The following EBF3 variants were observed in gnomAD, a reference collection of about 807,000 sequenced individuals.
The protein encoded by EBF3 is transcription factor COE3.
EBF3 carries 18 observed loss-of-function variants against 77.1 expected under a neutral mutation model. That is an observed-to-expected ratio of 0.23 (90% CI 0.16 to 0.35). EBF3 has a LOEUF of 0.35. Among genes scored for constraint, EBF3 ranks in the 10% least tolerant of loss-of-function variants. The pLI is 1.00. For missense variants in EBF3, 558 were observed against 860.0 expected (o/e 0.65, Z 4.39); for synonymous variants, 350 against 343.5 (o/e 1.02, Z -0.21).
chr10:129,896,909 C>T (rs1176563953), intron 6 of EBF3, among the ~76,000 whole-genome samples: 8 of 152,178 alleles, frequency 5.3e-5, no homozygotes, highest in African/African-American at 1.9e-4. Flanking sequence ...ACGCCGCCAC[C>T]CCAGGCCTCC....
Position 129,839,103 on chromosome 10 carries a change from G to A in EBF3, c.1852C>T (p.Leu618Phe). Reference sequence around the variant, plus strand: ...GATACCTTTCCAGTTCCTTTTTTGAGCATTAGTTCATCAAAGTGAAATATG... The same window carrying A: ...GATACCTTTCCAGTTCCTTTTTTGAACATTAGTTCATCAAAGTGAAATATG... ...GGIFHFDELM[L>F]KKGTGKLCLG... The change falls in exon 16 of 17, where the codon CTC becomes TTC. Residue 618 changes from leucine (L) to phenylalanine (F), a missense_variant. By Grantham distance (22) the Leu-to-Phe change is conservative. This residue lies in a region of EBF3 where 284 missense variants were observed against 368.3 expected (regional missense o/e 0.77). Coordinates refer to ENST00000440978, the MANE Select transcript of EBF3 (RefSeq NM_001375380.1). 1 of 1,304,460 alleles carries A rather than the reference G, an allele frequency of 7.7e-7. No individual in the cohort carries two copies. Among genetic ancestry groups the A allele is most frequent in the Non-Finnish European group, 1.0e-6 (1 of 988,988 alleles). The allele number at this position is 1,304,460 out of a possible 1,614,324, so 80.8% of individuals were successfully genotyped here.
At chr10:129,903,222 G>A (rs747327333) in intron 6 of EBF3, among the ~76,000 whole-genome samples, 32 of 152,166 alleles carry the variant, frequency 2.1e-4, no homozygotes, top group Non-Finnish European at 4.1e-4. Flanking sequence ...CAGTATATAC[G>A]GTTCAGTCTA....
At chr10:129,958,660 C>T (rs1282363716) in intron 5 of EBF3, among the ~76,000 whole-genome samples, 3 of 152,236 alleles carry the variant, frequency 2.0e-5, no homozygotes, top group Non-Finnish European at 2.9e-5. Context: ...ACGGATGCAT[C>T]ACCCAGACCT....
rs1256091384 is a variant in EBF3, at chr10:129,836,724, A to G, written c.*1219T>C. 4 of 152,630 alleles carry G rather than the reference A, an allele frequency of 2.6e-5. No homozygotes were observed. The highest frequency in any genetic ancestry group is 5.9e-5 in the Non-Finnish European group (4 of 68,042). The allele number at this position is 152,630 out of a possible 1,614,324, so 9.5% of individuals were successfully genotyped here. On this transcript the variant is annotated 3_prime_UTR_variant, in exon 17 of 17. Coordinates refer to ENST00000440978, the MANE Select transcript of EBF3 (RefSeq NM_001375380.1). The stretch of plus-strand genomic sequence containing the variant: ...CAAGTTCTTGGCTAATGCTCTTCCC[A>G]GTATCACAACACCAGGCCGTGATCA...
chr10:129,963,219 G>A lies in EBF3; in HGVS notation c.291+148C>T, dbSNP rs1028392215. The A allele has an allele frequency of 8.1e-6, 10 of 1,235,106 alleles. No individual in the cohort carries two copies. The highest frequency in any genetic ancestry group is 1.8e-5 in the South Asian group (1 of 55,700). 76.5% of individuals were successfully genotyped at this position (1,235,106 alleles called of 1,614,324 possible). ...GCAGAGAAGTTGCCCAGCCCTCGGCGGTCCCGGGCGGCCGCACGTGGCGGC... is the reference window on the plus strand; with the variant it reads ...GCAGAGAAGTTGCCCAGCCCTCGGCAGTCCCGGGCGGCCGCACGTGGCGGC... On this transcript the variant is annotated intron_variant, in intron 2 of 16. Coordinates refer to ENST00000440978, the MANE Select transcript of EBF3 (RefSeq NM_001375380.1). This position sits in a 1 kb window ranked among gnomAD's most constrained non-coding sequence, Gnocchi z 7.1.
intron 6 of EBF3, among the ~76,000 whole-genome samples, chr10:129,882,994 G>A (rs941270358): frequency 3.9e-5 from 6 of 152,198 alleles, no homozygotes; most frequent in African/African-American, 9.6e-5. Flanking sequence ...CTTGGCGGTC[G>A]CACCCTGGTG....
chr10:129,931,124 T>A (rs942584672), intron 6 of EBF3, among the ~76,000 whole-genome samples: 4 of 152,174 alleles, frequency 2.6e-5, no homozygotes, highest in African/African-American at 7.2e-5. Context: ...TATACCTATA[T>A]CTGTATCTGT....
chr10:129,877,630 A>G (rs1244275603), intron 7 of EBF3, 138 bp downstream of exon 7: 1 of 662,044 alleles, frequency 1.5e-6, no homozygotes, highest in Non-Finnish European at 2.6e-6. Flanking sequence ...GCATATTTTT[A>G]TCAAATGCAC....
In EBF3 at chr10:129,841,043, C is replaced by CCCCCCG; in HGVS notation, c.1373-12_1373-11insCGGGGG. The CCCCCCG allele has an allele frequency of 7.4e-7, 1 of 1,350,210 alleles. No homozygotes were observed. The highest frequency in any genetic ancestry group is 9.9e-7 in the Non-Finnish European group (1 of 1,013,820). The allele number at this position is 1,350,210 out of a possible 1,614,324, so 83.6% of individuals were successfully genotyped here. A position where few individuals can be genotyped will look rare whatever the true frequency, so the allele number is the denominator to read the frequency against. On this transcript the variant is annotated splice_polypyrimidine_tract_variant and intron_variant, in intron 13 of 16. Coordinates refer to ENST00000440978, the MANE Select transcript of EBF3 (RefSeq NM_001375380.1). The surrounding 1 kb of genome is among the most constrained non-coding windows in gnomAD (Gnocchi z 4.6). ...TGCGACTGTAGCCGACTGTTGAAAT[C>CCCCCCG]CCCCCCCCGGCCAAAAATAACATTA...
intron 6 of EBF3, among the ~76,000 whole-genome samples, chr10:129,902,478 A>G (rs1854861111): frequency 6.6e-6 from 1 of 152,028 alleles, no homozygotes; most frequent in African/African-American, 2.4e-5. Context: ...AGGCACATCC[A>G]TATGGGACCG....
Position 129,904,685 on chromosome 10 carries a change from T to C in EBF3, c.555-26836A>G, listed in dbSNP as rs73383615. Among the ~76,000 whole-genome samples the C allele has an allele frequency of 3.5e-3, 538 of 152,116 alleles. 3 individuals carry two copies. The highest frequency in any genetic ancestry group is 0.012 in the African/African-American group (510 of 41,502). On this transcript the variant is annotated intron_variant, in intron 6 of 16. Coordinates refer to ENST00000440978, the MANE Select transcript of EBF3 (RefSeq NM_001375380.1). ...AGACAGACATCTATGGATAGAACTATATAATACAAATATATAGACACAGAC... is the reference window on the plus strand; with the variant it reads ...AGACAGACATCTATGGATAGAACTACATAATACAAATATATAGACACAGAC...
intron 5 of EBF3, among the ~76,000 whole-genome samples, chr10:129,958,568 A>G (rs1484623317): frequency 6.6e-6 from 1 of 152,190 alleles, no homozygotes; most frequent in Non-Finnish European, 1.5e-5. Flanking sequence ...ATAACAGACA[A>G]TTGTATATCT....
At position 129,837,724 on chromosome 10, in the gene EBF3, G is replaced by T; in HGVS notation, c.*219C>A. 5 of 571,426 alleles carry T rather than the reference G, an allele frequency of 8.8e-6. No homozygotes were observed. The highest frequency in any genetic ancestry group is 9.2e-6 in the Non-Finnish European group (3 of 325,690). The allele number at this position is 571,426 out of a possible 1,614,324, so 35.4% of individuals were successfully genotyped here. A position where few individuals can be genotyped will look rare whatever the true frequency, so the allele number is the denominator to read the frequency against. On this transcript the variant is annotated 3_prime_UTR_variant, in exon 17 of 17. Transcript: ENST00000440978. ...ATGAGAAAAGTTCAGTCAATAAAAT[G>T]GAATTGTTCATGAAGAAGTAGGCTG...
chr10:129,843,293 A>G (rs1850222129), intron 11 of EBF3, 91 bp from the exon 12 acceptor site: 2 of 1,346,594 alleles, frequency 1.5e-6, no homozygotes, highest in South Asian at 1.3e-5. Flanking sequence ...GGGTGTGGAG[A>G]CCAGTCCCCA....
Position 129,963,395 on chromosome 10 carries a change from G to C in EBF3, c.263C>G (p.Ala88Gly). 1.3e-6 allele frequency: 2 copies of C among 1,589,860 alleles called. No individual in the cohort carries two copies. Among genetic ancestry groups the C allele is most frequent in the African/African-American group, 2.8e-5 (2 of 72,646 alleles). Residue 88 changes from alanine to glycine, a missense_variant, in exon 2 of 17, where the codon GCT becomes GGT. This residue lies in a region of EBF3 where 84 missense variants were observed against 142.3 expected (regional missense o/e 0.59). Transcript: ENST00000440978. This position sits in a 1 kb window ranked among gnomAD's most constrained non-coding sequence, Gnocchi z 7.1. ...CTCTTTCTCCACAAAGTCCACAAAA[G>C]CGGTCCTTTCAATCTCCACCGGCTG... ...QGQPVEIERT[A>G]FVDFVEKEKE... is the part of the protein sequence containing the mutation.
At chr10:129,949,598 C>G (rs531229866) in intron 6 of EBF3, among the ~76,000 whole-genome samples, 1 of 152,154 alleles carries the variant, frequency 6.6e-6, no homozygotes, top group South Asian at 2.1e-4. Context: ...GGAAGGCGCA[C>G]GCTGCCTGCC....
At position 129,848,536 on chromosome 10, in the gene EBF3, C is replaced by T; in HGVS notation, c.1040-56G>A. 1 of 1,565,736 alleles carries T rather than the reference C, an allele frequency of 6.4e-7. No individual in the cohort carries two copies. The highest frequency in any genetic ancestry group is 8.8e-7 in the Non-Finnish European group (1 of 1,136,114). On this transcript the variant is annotated intron_variant, in intron 10 of 16. Transcript: ENST00000440978. This position sits in a 1 kb window ranked among gnomAD's most constrained non-coding sequence, Gnocchi z 4.4. ...TTAATTACTTTTATGTCATCCATTACTCGTTTATTGCACACTTACAAATAA... is the reference window on the plus strand; with the variant it reads ...TTAATTACTTTTATGTCATCCATTATTCGTTTATTGCACACTTACAAATAA...
At chr10:129,898,658 T>A (rs994199205) in intron 6 of EBF3, among the ~76,000 whole-genome samples, 2 of 152,346 alleles carry the variant, frequency 1.3e-5, no homozygotes, top group Admixed American at 1.3e-4. Flanking sequence ...CATGGAATCA[T>A]TAATGTGCAG....
chr10:129,886,266 G>A (rs570268199), intron 6 of EBF3, among the ~76,000 whole-genome samples: 1 of 152,182 alleles, frequency 6.6e-6, no homozygotes, highest in Non-Finnish European at 1.5e-5. Flanking sequence ...TAGCCTTTTA[G>A]GTCCTGATTA....
Sources: allele counts gnomAD v4.1 joint callset (sites outside exome capture counted in the v4.1 genomes callset), GRCh38; gene constraint gnomAD v4.1.1; regional missense constraint gnomAD v4.1.1; non-coding constraint Gnocchi (gnomAD v3.1); transcripts MANE v1.5; gene names NCBI Gene and HGNC (gene_info 2026-07-23, HGNC 2026-07-21).